The following NTN1 variants were observed in gnomAD, a reference collection of about 807,000 sequenced individuals.
The protein encoded by NTN1 is netrin-1.
In NTN1, 11 loss-of-function variants were observed where a neutral mutation model predicts 54.2. The ratio of observed to expected loss-of-function variants is 0.20; its 90% CI spans 0.13 to 0.34. The LOEUF is 0.34. Among genes scored for constraint, NTN1 ranks in the 10% least tolerant of loss-of-function variants. The pLI is 1.00. For synonymous variants in NTN1, 371 were observed against 382.0 expected (o/e 0.97, Z 0.33); for missense variants, 740 against 893.1 (o/e 0.83, Z 2.18).
In NTN1 at chr17:9,243,889, GGGGGGGGT is replaced by G. The variant is rs1005287859; in HGVS notation, c.*3928_*3935del. 2 of 129,428 alleles carry G rather than the reference GGGGGGGGT, an allele frequency of 1.5e-5. No homozygotes were observed. The highest frequency in any genetic ancestry group is 7.7e-5 in the African/African-American group (2 of 25,896). The allele number at this position is 129,428 out of a possible 1,614,324, so 8.0% of individuals were successfully genotyped here. A position where few individuals can be genotyped will look rare whatever the true frequency, so the allele number is the denominator to read the frequency against. The stretch of plus-strand genomic sequence containing the variant: ...GATTTTCTTTCTTTCCTTTTTTTTG[GGGGGGGGT>G]GGGGGGTTGGTTAGAGTTGTAATGG... On this transcript the variant is annotated 3_prime_UTR_variant, in exon 7 of 7. Coordinates refer to ENST00000173229, the MANE Select transcript of NTN1 (RefSeq NM_004822.3).
Position 9,227,596 on chromosome 17 carries a change from A to G in NTN1, c.1486+6354A>G, listed in dbSNP as rs1161233107. Among the ~76,000 whole-genome samples the G allele has an allele frequency of 3.0e-5, 3 of 100,564 alleles. No individual in the cohort carries two copies. The East Asian group carries it at 9.7e-4, about 32-fold the overall frequency. 66.0% of individuals were successfully genotyped at this position (100,564 alleles called of 152,430 possible). A position where few individuals can be genotyped will look rare whatever the true frequency, so the allele number is the denominator to read the frequency against. On this transcript the variant is annotated intron_variant, in intron 6 of 6. Transcript: ENST00000173229. ...ACACACATCACACACGCATGCATAC[A>G]CACACCATCACACATCAGATACACA...
intron 2 of NTN1, among the ~76,000 whole-genome samples, chr17:9,086,475 C>T (rs546393002): frequency 2.6e-5 from 4 of 152,316 alleles, no homozygotes; most frequent in Non-Finnish European, 5.9e-5. Context: ...CCTCAAGGCA[C>T]TCACTCTAGA....
At position 9,074,169 on chromosome 17, in the gene NTN1, C is replaced by T. The variant is rs111915870; in HGVS notation, c.1018+50778C>T. Among the ~76,000 whole-genome samples, 477 of 152,318 alleles carry T rather than the reference C, an allele frequency of 3.1e-3. 6 individuals carry two copies. The highest frequency in any genetic ancestry group is 0.011 in the African/African-American group (442 of 41,570). On this transcript the variant is annotated intron_variant, in intron 2 of 6. Transcript: ENST00000173229. ...GAGAGAAGGCAGTGGTGCCGGCTCT[C>T]GCGAACCAGTGCGGGAGGGAAGCCT...
the NTN1 span, among the ~76,000 whole-genome samples, chr17:9,007,920 T>A: frequency 6.6e-6 from 1 of 152,056 alleles, no homozygotes; most frequent in African/African-American, 2.4e-5. Flanking sequence ...ATTCTTATTA[T>A]TTTTGTAGAG....
At chr17:9,168,614 C>T (rs924345092) in intron 3 of NTN1, among the ~76,000 whole-genome samples, 10 of 152,066 alleles carry the variant, frequency 6.6e-5, no homozygotes, top group African/African-American at 1.9e-4. Flanking sequence ...AGACAGTCAT[C>T]AGTGCCAGAT....
chr17:9,227,550 C>T (rs1323770798), intron 6 of NTN1, among the ~76,000 whole-genome samples: 1 of 113,034 alleles, frequency 8.8e-6, no homozygotes, highest in Non-Finnish European at 1.8e-5. Context: ...CCATCACACA[C>T]AGGCACACAC....
At chr17:9,191,776 CCAG>C (rs1904464186) in intron 5 of NTN1, among the ~76,000 whole-genome samples, 1 of 150,848 alleles carries the variant, frequency 6.6e-6, no homozygotes, top group Admixed American at 6.6e-5. Flanking sequence ...GCCTGTGATC[CCAG>C]CACTTTGGGA....
chr17:9,020,561 T>C (rs1300197329), upstream of NTN1, among the ~76,000 whole-genome samples: 1 of 152,236 alleles, frequency 6.6e-6, no homozygotes, highest in Non-Finnish European at 1.5e-5. Flanking sequence ...GTTGATCTTG[T>C]GCGAGTTTCT....
intron 2 of NTN1, among the ~76,000 whole-genome samples, chr17:9,038,223 GTCTC>G (rs1307676820): frequency 1.0e-5 from 1 of 97,500 alleles, no homozygotes; most frequent in Admixed American, 1.2e-4. Flanking sequence ...CTCTCTCTGT[GTCTC>G]TCTCTCTTTC....
At chr17:9,142,489 G>A (rs889791707) in intron 2 of NTN1, among the ~76,000 whole-genome samples, 4 of 151,814 alleles carry the variant, frequency 2.6e-5, no homozygotes, top group Non-Finnish European at 5.9e-5. Flanking sequence ...TTCTCTGTCA[G>A]CTTCCTTTTC....
chr17:9,170,557 A>G (rs867418911), intron 3 of NTN1, among the ~76,000 whole-genome samples: 1 of 152,192 alleles, frequency 6.6e-6, no homozygotes, highest in East Asian at 1.9e-4. Context: ...CACACTCTCA[A>G]TAAAGGATTT....
chr17:9,163,110 G>A (rs1470614012), intron 3 of NTN1, 109 bp downstream of exon 3: 16 of 1,005,448 alleles, frequency 1.6e-5, no homozygotes, highest in Admixed American at 5.0e-5. Flanking sequence ...ACAAATTGGC[G>A]TTGTCTGAGG....
At chr17:9,216,338 C>T (rs781404483) in intron 5 of NTN1, among the ~76,000 whole-genome samples, 17 of 152,194 alleles carry the variant, frequency 1.1e-4, no homozygotes, top group Non-Finnish European at 2.1e-4. Flanking sequence ...TTTGTTTCAG[C>T]TCAGTTTAAT....
At chr17:9,133,071 G>A (rs1247980661) in intron 2 of NTN1, among the ~76,000 whole-genome samples, 1 of 151,852 alleles carries the variant, frequency 6.6e-6, no homozygotes, top group Non-Finnish European at 1.5e-5. Context: ...CACCTTAACG[G>A]CTGACCACAC....
At chr17:9,210,179 G>A (rs1204521022) in intron 5 of NTN1, among the ~76,000 whole-genome samples, 1 of 151,976 alleles carries the variant, frequency 6.6e-6, no homozygotes, top group African/African-American at 2.4e-5. Context: ...GAACCATGCC[G>A]AGCTGGGTCC....
chr17:9,049,954 T>C (rs757819217), intron 2 of NTN1, among the ~76,000 whole-genome samples: 1 of 152,140 alleles, frequency 6.6e-6, no homozygotes, highest in Non-Finnish European at 1.5e-5. Flanking sequence ...TATTAAAAAA[T>C]AATAAATGTC....
chr17:9,121,660 A>C (rs2092232074), intron 2 of NTN1, among the ~76,000 whole-genome samples: 1 of 152,086 alleles, frequency 6.6e-6, no homozygotes, highest in African/African-American at 2.4e-5. Context: ...TGTGGCCTGG[A>C]GGGTACCCCA....
At position 9,163,018 on chromosome 17, in the gene NTN1, G is replaced by T; in HGVS notation, c.1207+17G>T. 1 of 1,580,536 alleles carries T rather than the reference G, an allele frequency of 6.3e-7. No homozygotes were observed. Among genetic ancestry groups the T allele is most frequent in the Non-Finnish European group, 8.6e-7 (1 of 1,161,278 alleles). ...CCTGCAAAGGTGGGCTACACGTGGCGGGGCGGGGGGCTGGGGAGACCCGGG... is the reference window on the plus strand; with the variant it reads ...CCTGCAAAGGTGGGCTACACGTGGCTGGGCGGGGGGCTGGGGAGACCCGGG... On this transcript the variant is annotated intron_variant, in intron 3 of 6. Coordinates refer to ENST00000173229, the MANE Select transcript of NTN1 (RefSeq NM_004822.3).
At chr17:9,170,733 T>C (rs2092385059) in intron 3 of NTN1, among the ~76,000 whole-genome samples, 1 of 152,162 alleles carries the variant, frequency 6.6e-6, no homozygotes, top group South Asian at 2.1e-4. Flanking sequence ...TTGACTGGAC[T>C]GGGACTTAGG....
Sources: allele counts gnomAD v4.1 joint callset (sites outside exome capture counted in the v4.1 genomes callset), GRCh38; gene constraint gnomAD v4.1.1; transcripts MANE v1.5; gene names NCBI Gene and HGNC (gene_info 2026-07-23, HGNC 2026-07-21).